Variants in NAV1 observed in about 807,000 individuals in gnomAD.
The protein encoded by NAV1 is neuron navigator 1.
NAV1 carries 18 observed loss-of-function variants against 175.2 expected under a neutral mutation model. The observed-to-expected ratio is 0.10, with a 90% confidence interval of 0.07 to 0.15. The LOEUF (loss-of-function observed/expected upper bound fraction) is 0.15. Ranked by LOEUF, NAV1 falls within the 10% of genes least tolerant of loss-of-function variation. NAV1 has a pLI of 1.00. For synonymous variants in NAV1, 897 were observed against 978.7 expected (o/e 0.92, Z 1.56); for missense variants, 1,731 against 2,436.6 (o/e 0.71, Z 6.10).
intron 3 of NAV1, among the ~76,000 whole-genome samples, chr1:201,749,806 T>C (rs922390553): frequency 2.6e-5 from 4 of 151,940 alleles, no homozygotes; most frequent in East Asian, 3.9e-4. Flanking sequence ...GAGGCTGAGG[T>C]TGGAGGATCA....
intron 1 of NAV1, among the ~76,000 whole-genome samples, chr1:201,662,648 G>T (rs1332326842): frequency 1.3e-5 from 2 of 152,204 alleles, no homozygotes; most frequent in Non-Finnish European, 2.9e-5. Flanking sequence ...GGATTATCTA[G>T]AAGAGTGAGC....
At chr1:201,805,488 G>C (rs542744055) in intron 17 of NAV1, among the ~76,000 whole-genome samples, 2 of 152,308 alleles carry the variant, frequency 1.3e-5, no homozygotes, top group South Asian at 2.1e-4. Context: ...GATGGAGAAG[G>C]CCAGCTTAGC....
chr1:201,651,285 C>G (rs1159568260), intron 1 of NAV1, among the ~76,000 whole-genome samples: 1 of 151,966 alleles, frequency 6.6e-6, no homozygotes, highest in Non-Finnish European at 1.5e-5. Flanking sequence ...TGGTCTGGGT[C>G]CTCTCCAGAC....
Position 201,569,055 on chromosome 1 carries a change from G to A in NAV1, c.-143-19484G>A, listed in dbSNP as rs576899163. On this transcript the variant is annotated intron_variant, in intron 1 of 33. Transcript: ENST00000685211. ...GTTAGCAGGACACCCAGGGAGAAGC[G>A]TGTTTCCTTCCTGCTCTGGGCAAAC... 1.6e-3 allele frequency among the ~76,000 whole-genome samples: 239 copies of A among 152,280 alleles called. 1 individual carries two copies. The highest frequency in any genetic ancestry group is 5.3e-3 in the African/African-American group (220 of 41,554).
chr1:201,733,877 C>T (rs561173525), intron 3 of NAV1, among the ~76,000 whole-genome samples: 1 of 152,262 alleles, frequency 6.6e-6, no homozygotes, highest in South Asian at 2.1e-4. Flanking sequence ...ATGCTGAGGA[C>T]TTTGGCTTTT....
chr1:201,542,077 G>C (rs979733238), intron 1 of NAV1, among the ~76,000 whole-genome samples: 1 of 152,166 alleles, frequency 6.6e-6, no homozygotes, highest in Non-Finnish European at 1.5e-5. Flanking sequence ...CCCCTTTACA[G>C]GCAAGAATCA....
chr1:201,683,504 G>C (rs1458892373), intron 1 of NAV1, among the ~76,000 whole-genome samples: 1 of 151,736 alleles, frequency 6.6e-6, no homozygotes, highest in Non-Finnish European at 1.5e-5. Flanking sequence ...GTTCACAATA[G>C]GGTTCACCTT....
chr1:201,777,501 C>A (rs1676030505), intron 3 of NAV1, among the ~76,000 whole-genome samples: 1 of 150,336 alleles, frequency 6.7e-6, no homozygotes, highest in Non-Finnish European at 1.5e-5. Flanking sequence ...CTTTGTTGCC[C>A]AGGCTGGTCT....
intron 1 of NAV1, among the ~76,000 whole-genome samples, chr1:201,649,656 G>T (rs1669110865): frequency 6.6e-6 from 1 of 152,150 alleles, no homozygotes; most frequent in Non-Finnish European, 1.5e-5. Context: ...ACCCGGGCTC[G>T]ACTCTGGCCT....
chr1:201,736,140 A>C (rs1485621828), intron 3 of NAV1, among the ~76,000 whole-genome samples: 1 of 152,234 alleles, frequency 6.6e-6, no homozygotes, highest in African/African-American at 2.4e-5. Flanking sequence ...AACTTGTTCA[A>C]GGACAGGCTT....
intron 15 of NAV1, among the ~76,000 whole-genome samples, chr1:201,801,123 C>T (rs762121238): frequency 6.6e-6 from 1 of 152,188 alleles, no homozygotes; most frequent in Non-Finnish European, 1.5e-5. Context: ...CCACCACACC[C>T]AGCCTCTTGA....
At chr1:201,552,834 G>A (rs772666248) in intron 1 of NAV1, among the ~76,000 whole-genome samples, 3 of 152,126 alleles carry the variant, frequency 2.0e-5, no homozygotes, top group Admixed American at 6.6e-5. Context: ...ACTATACTTC[G>A]GGGTAGATTT....
At position 201,788,036 on chromosome 1, in the gene NAV1, A is replaced by G. The variant is rs1384164066; in HGVS notation, c.2996-432A>G. Among the ~76,000 whole-genome samples, 2 of 152,114 alleles carry G rather than the reference A, an allele frequency of 1.3e-5. No homozygotes were observed. The highest frequency in any genetic ancestry group is 1.9e-4 in the East Asian group (1 of 5,190). ...CCCCTTCTCTAGCTGGTGCTTTTTC[A>G]TCATTCAGATCTGGGTCTTGGTTTG... On this transcript the variant is annotated intron_variant, in intron 9 of 29. Transcript: ENST00000367296. The surrounding 1 kb of genome is among the most constrained non-coding windows in gnomAD (Gnocchi z 5.7).
intron 2 of NAV1, among the ~76,000 whole-genome samples, chr1:201,716,707 C>T (rs1314651967): frequency 6.6e-6 from 1 of 152,124 alleles, no homozygotes; most frequent in Non-Finnish European, 1.5e-5. Flanking sequence ...GGCAAAACCC[C>T]ATCTCTATAA....
exon 7 of NAV1, chr1:201,783,466 C>T: frequency 6.2e-7 from 1 of 1,614,160 alleles, no homozygotes; most frequent in African/African-American, 1.3e-5. Flanking sequence ...AGGTCAACTC[C>T]AACAGTCTGG....
chr1:201,779,076 G>T (rs906952678), intron 3 of NAV1, among the ~76,000 whole-genome samples: 8 of 152,166 alleles, frequency 5.3e-5, no homozygotes, highest in Non-Finnish European at 4.4e-5. Flanking sequence ...AGTGAAATCT[G>T]AAGAACTTTT....
At chr1:201,776,123 A>G (rs1675920278) in intron 3 of NAV1, among the ~76,000 whole-genome samples, 1 of 152,140 alleles carries the variant, frequency 6.6e-6, no homozygotes, top group African/African-American at 2.4e-5. Flanking sequence ...GTATGTCTAT[A>G]TATTTATATG....
chr1:201,781,417 C>T (rs1676315780), intron 5 of NAV1, 108 bp downstream of exon 9: 1 of 1,099,184 alleles, frequency 9.1e-7, no homozygotes, highest in Admixed American at 2.9e-5. Context: ...TTGCATAGTG[C>T]TTTAACAGAC....
intron 3 of NAV1, among the ~76,000 whole-genome samples, chr1:201,763,393 T>C (rs747019562): frequency 6.6e-6 from 1 of 152,234 alleles, no homozygotes; most frequent in Non-Finnish European, 1.5e-5. Flanking sequence ...TTTGCTTTTC[T>C]TGAGATTCTC....
Sources: gnomAD v4.1 joint callset for allele counts (sites outside exome capture counted in the v4.1 genomes callset) on GRCh38, gnomAD v4.1.1 for gene constraint, Gnocchi (gnomAD v3.1) non-coding constraint, MANE v1.5 for transcripts, NCBI Gene and HGNC (gene_info 2026-07-23, HGNC 2026-07-21) for gene names.